The following RABGEF1 variants were observed in gnomAD, a reference collection of about 807,000 sequenced individuals.
The protein encoded by RABGEF1 is RAB guanine nucleotide exchange factor 1, also known as rab5 GDP/GTP exchange factor.
RABGEF1 carries 26 observed loss-of-function variants against 57.3 expected under a neutral mutation model. The ratio of observed to expected loss-of-function variants is 0.45; its 90% CI spans 0.33 to 0.63. The LOEUF is 0.63. RABGEF1 is among the 20% of genes least tolerant of loss of function. The pLI is 0.02. For missense variants in RABGEF1, 464 were observed against 607.6 expected, an observed-to-expected ratio of 0.76 and a Z score of 2.48; for synonymous variants, 185 against 210.7, an observed-to-expected ratio of 0.88 and a Z score of 1.06.
intron 5 of RABGEF1, among the ~76,000 whole-genome samples, chr7:66,796,341 C>A (rs1212630893): frequency 1.3e-5 from 2 of 152,150 alleles, no homozygotes; most frequent in African/African-American, 4.8e-5. Flanking sequence ...TCAGAGAAAT[C>A]TCCATTTGTA....
Position 66,799,475 on chromosome 7 carries a change from G to T in RABGEF1, c.820+61G>T, listed in dbSNP as rs111267836. On this transcript the variant is annotated intron_variant, in intron 7 of 8. Coordinates refer to ENST00000284957, the MANE Select transcript of RABGEF1 (RefSeq NM_014504.3). The stretch of plus-strand genomic sequence containing the variant: ...TTCCCCTTAAAGTTAACATTTTACT[G>T]TAATATTCATCTATACATTTGTAAA... 214 of 1,315,864 alleles carry T rather than the reference G, an allele frequency of 1.6e-4. 1 individual carries two copies. The African/African-American group carries it at 2.4e-3, about 15-fold the overall frequency. The allele number at this position is 1,315,864 out of a possible 1,614,324, so 81.5% of individuals were successfully genotyped here.
chr7:66,755,168 C>A (rs545453546), intron 1 of RABGEF1, among the ~76,000 whole-genome samples: 90 of 152,276 alleles, frequency 5.9e-4, no homozygotes, highest in African/African-American at 2.1e-3. Flanking sequence ...GTGGCAGGTG[C>A]CTGTAGTCCC....
chr7:66,660,122 C>T, the RABGEF1 span, among the ~76,000 whole-genome samples: 4 of 150,968 alleles, frequency 2.6e-5, no homozygotes, highest in Admixed American at 6.6e-5. Flanking sequence ...CCAAGGCCGG[C>T]GGATCACGAG....
At chr7:66,764,826 T>G (rs1443563911) in intron 1 of RABGEF1, among the ~76,000 whole-genome samples, 5 of 152,216 alleles carry the variant, frequency 3.3e-5, no homozygotes, top group East Asian at 1.9e-4. Flanking sequence ...TTCTATGACT[T>G]TCCTTGTGCC....
intron 1 of RABGEF1, among the ~76,000 whole-genome samples, chr7:66,703,620 CT>C (rs147268322): frequency 6.6e-6 from 1 of 151,276 alleles, no homozygotes; most frequent in Non-Finnish European, 1.5e-5. Context: ...GATGTATTGG[CT>C]TTTTTTTTCT....
intron 1 of RABGEF1, among the ~76,000 whole-genome samples, chr7:66,748,428 A>G (rs975272297): frequency 2.6e-5 from 4 of 152,168 alleles, no homozygotes; most frequent in Non-Finnish European, 5.9e-5. Flanking sequence ...GTGCTTCCTC[A>G]CAAGTTCCTT....
At chr7:66,719,795 C>T (rs1021754669) in intron 2 of RABGEF1, among the ~76,000 whole-genome samples, 6 of 152,164 alleles carry the variant, frequency 3.9e-5, no homozygotes, top group African/African-American at 1.2e-4. Flanking sequence ...TATTAAATTA[C>T]ATACTGTCTT....
chr7:66,792,004 C>T (rs1812786408), intron 4 of RABGEF1, among the ~76,000 whole-genome samples: 1 of 151,482 alleles, frequency 6.6e-6, no homozygotes, highest in Admixed American at 6.6e-5. Flanking sequence ...CCCAGCTACT[C>T]GGGAGGCTGA....
intron 4 of RABGEF1, among the ~76,000 whole-genome samples, chr7:66,794,059 CA>C (rs1418475962): frequency 6.6e-6 from 1 of 152,146 alleles, no homozygotes; most frequent in Non-Finnish European, 1.5e-5. Flanking sequence ...CCCTGAATTA[CA>C]TAACTGTTTT....
At chr7:66,785,499 TA>T (rs1159615133) in intron 4 of RABGEF1, among the ~76,000 whole-genome samples, 2 of 152,242 alleles carry the variant, frequency 1.3e-5, no homozygotes, top group Non-Finnish European at 2.9e-5. Flanking sequence ...ACACCTGAAC[TA>T]ACATAACTAG....
intron 1 of RABGEF1, among the ~76,000 whole-genome samples, chr7:66,693,099 C>G (rs1052182133): frequency 5.9e-5 from 9 of 152,164 alleles, no homozygotes; most frequent in African/African-American, 2.2e-4. Context: ...GTTCTAGAAG[C>G]CCTGAGCGGG....
intron 2 of RABGEF1, among the ~76,000 whole-genome samples, chr7:66,720,201 T>TAA (rs1795878100): frequency 6.9e-6 from 1 of 145,146 alleles, no homozygotes; most frequent in Middle Eastern, 3.4e-3. Context: ...ATTATTTTTT[T>TAA]TTTTTTTTCT....
At chr7:66,705,876 ATTTTTTTTTTTTTTTTTTTT>A (rs201838145) in intron 1 of RABGEF1, among the ~76,000 whole-genome samples, 19 of 45,174 alleles carry the variant, frequency 4.2e-4, no homozygotes, top group African/African-American at 1.3e-3. Flanking sequence ...CACCCAGCTA[ATTTTTTTTTTTTTTTTTTTT>A]TTTTTTTTTT....
In RABGEF1 at chr7:66,772,920, AT is replaced by A. The variant is rs200418249; in HGVS notation, c.179+843del. Among the ~76,000 whole-genome samples the A allele has an allele frequency of 4.8e-3, 720 of 148,970 alleles. 5 individuals are homozygous for A. Among genetic ancestry groups the A allele is most frequent in the East Asian group, 0.031 (157 of 5,074 alleles). On this transcript the variant is annotated intron_variant, in intron 2 of 8. Transcript: ENST00000284957. ...GAGTGAGACTCTGTCTCAAAAAAAAATAAATAAATAAATAAATAAATGATGG... is the reference window on the plus strand; with the variant it reads ...GAGTGAGACTCTGTCTCAAAAAAAAAAAATAAATAAATAAATAAATGATGG...
At chr7:66,786,712 C>T (rs1240772205) in intron 4 of RABGEF1, among the ~76,000 whole-genome samples, 2 of 152,170 alleles carry the variant, frequency 1.3e-5, no homozygotes, top group Non-Finnish European at 2.9e-5. Context: ...TGCTATTCAG[C>T]AAATGTTGTT....
At chr7:66,663,063 C>A in the RABGEF1 span, among the ~76,000 whole-genome samples, 1 of 152,208 alleles carries the variant, frequency 6.6e-6, no homozygotes, top group Non-Finnish European at 1.5e-5. Flanking sequence ...GGCGGAAAAC[C>A]GCTTAAAGGC....
upstream of RABGEF1, among the ~76,000 whole-genome samples, chr7:66,738,943 G>T (rs1798390686): frequency 6.6e-6 from 1 of 151,720 alleles, no homozygotes. Context: ...CAGGTACTTT[G>T]TGTTTTTTTG....
At chr7:66,701,633 C>A (rs1054698991) in intron 1 of RABGEF1, among the ~76,000 whole-genome samples, 2 of 151,810 alleles carry the variant, frequency 1.3e-5, no homozygotes, top group Non-Finnish European at 2.9e-5. Context: ...CTCAGCCACC[C>A]AAGTAGCTGG....
chr7:66,806,632 C>A (rs1788496889), intron 8 of RABGEF1, among the ~76,000 whole-genome samples: 3 of 145,948 alleles, frequency 2.1e-5, no homozygotes, highest in Middle Eastern at 3.6e-3. Flanking sequence ...TAGAAGTACT[C>A]ATATATCCTT....
Sources: gnomAD v4.1 joint callset for allele counts (sites outside exome capture counted in the v4.1 genomes callset) on GRCh38, gnomAD v4.1.1 for gene constraint, MANE v1.5 for transcripts, NCBI Gene and HGNC (gene_info 2026-07-23, HGNC 2026-07-21) for gene names.